The following ITPRID1 variants were observed in gnomAD, a reference collection of about 807,000 sequenced individuals.
ITPRID1 encodes ITPR interacting domain containing 1.
ITPRID1 carries 96 observed loss-of-function variants against 95.4 expected under a neutral mutation model. The observed-to-expected ratio is 1.01, with a 90% confidence interval of 0.85 to 1.19. The LOEUF is 1.19. Ranked by LOEUF, ITPRID1 falls within the 50% of genes most tolerant of loss-of-function variation. ITPRID1 has a pLI of 0.00. For synonymous variants in ITPRID1, 510 were observed against 453.6 expected (o/e 1.12, Z -1.58); for missense variants, 1,339 against 1,252.9 (o/e 1.07, Z -1.04).
intron 10 of ITPRID1, among the ~76,000 whole-genome samples, chr7:31,598,610 A>G (rs1012868284): frequency 5.0e-4 from 76 of 151,932 alleles, no homozygotes; most frequent in Middle Eastern, 3.4e-3. Context: ...TCACCGTGTT[A>G]GCCAGGATGG....
At chr7:31,587,310 T>G (rs552387565) in intron 10 of ITPRID1, among the ~76,000 whole-genome samples, 4,828 of 152,166 alleles carry the variant, frequency 0.032, 146 homozygotes, top group Non-Finnish European at 0.047. Flanking sequence ...ACAAAATCAG[T>G]GTACAAAAAT....
intron 10 of ITPRID1, among the ~76,000 whole-genome samples, chr7:31,601,606 C>A (rs564561520): frequency 1.3e-4 from 20 of 152,210 alleles, no homozygotes; most frequent in Non-Finnish European, 2.8e-4. Context: ...TCTGTAGTAA[C>A]ATCCTACACA....
intron 10 of ITPRID1, among the ~76,000 whole-genome samples, chr7:31,615,947 G>T (rs1373521130): frequency 6.6e-6 from 1 of 151,886 alleles, no homozygotes; most frequent in Non-Finnish European, 1.5e-5. Context: ...GGTAGAGACG[G>T]GGTTTCACTG....
In ITPRID1 at chr7:31,654,762, A is replaced by G. The variant is rs11763622; in HGVS notation, c.*1933A>G. Among the ~76,000 whole-genome samples, 108,425 of 151,960 alleles carry G rather than the reference A, an allele frequency of 0.71. 39,216 individuals are homozygous for G. Among genetic ancestry groups the G allele is most frequent in the East Asian group, 0.82 (4,234 of 5,138 alleles). ...CTTGGAAAAGTAATGCCATGAGGGA[A>G]GTTTATAATTTGTATGAAAAGATGG... On this transcript the variant is annotated 3_prime_UTR_variant, in exon 15 of 15. Coordinates refer to ENST00000615280, the MANE Select transcript of ITPRID1 (RefSeq NM_001257967.3).
At chr7:31,575,632 C>T (rs1333174445) in intron 8 of ITPRID1, among the ~76,000 whole-genome samples, 1 of 152,118 alleles carries the variant, frequency 6.6e-6, no homozygotes, top group Non-Finnish European at 1.5e-5. Context: ...CAAAAGGCCT[C>T]TTGGAGAAGC....
Position 31,597,829 on chromosome 7 carries a change from A to G in ITPRID1, c.1228+14638A>G, listed in dbSNP as rs565364013. Among the ~76,000 whole-genome samples, 8 of 152,276 alleles carry G rather than the reference A, an allele frequency of 5.3e-5. No individual in the cohort carries two copies. In the East Asian group the frequency reaches 1.5e-3, roughly 29 times the overall value. On this transcript the variant is annotated intron_variant, in intron 10 of 14. Transcript: ENST00000615280. ...TAAAGGGCCAAGGAAAGCTAAGACT[A>G]TTATAAAGATCATGGAGAAGGAATT...
Position 31,578,337 on chromosome 7 carries a change from A to G in ITPRID1, c.1073A>G (p.Lys358Arg), listed in dbSNP as rs375575625. The G allele has an allele frequency of 3.1e-6, 5 of 1,613,808 alleles. No homozygotes were observed. Among genetic ancestry groups the G allele is most frequent in the Non-Finnish European group, 4.2e-6 (5 of 1,179,848 alleles). Residue 358 changes from lysine (K) to arginine (R), a missense_variant, in exon 9 of 15, where the codon AAG (lysine) becomes AGG (arginine). Coordinates refer to ENST00000615280, the MANE Select transcript of ITPRID1 (RefSeq NM_001257967.3). ...TCCTGTGTGTCTGAGGGGTCAGTCAAGGGCAGAACTCAGAAGGAGAACTTA... is the reference window on the plus strand; with the variant it reads ...TCCTGTGTGTCTGAGGGGTCAGTCAGGGGCAGAACTCAGAAGGAGAACTTA... ...PPSCVSEGSV[K>R]GRTQKENLFQ...
chr7:31,576,722 G>A (rs1785196990), intron 8 of ITPRID1, among the ~76,000 whole-genome samples: 1 of 152,126 alleles, frequency 6.6e-6, no homozygotes, highest in South Asian at 2.1e-4. Flanking sequence ...TGGCTCATGA[G>A]AGTCAGGGAC....
intron 10 of ITPRID1, among the ~76,000 whole-genome samples, chr7:31,619,797 C>G (rs879710787): frequency 4.6e-5 from 7 of 152,114 alleles, no homozygotes; most frequent in African/African-American, 1.4e-4. Context: ...GCTGAAGCAG[C>G]GCGAGGCATT....
At chr7:31,608,517 GTCT>G (rs781435293) in intron 10 of ITPRID1, among the ~76,000 whole-genome samples, 21 of 151,642 alleles carry the variant, frequency 1.4e-4, no homozygotes, top group Non-Finnish European at 2.5e-4. Flanking sequence ...CATTTATTTG[GTCT>G]TCTTTAATTT....
In ITPRID1 at chr7:31,655,809, A is replaced by G. The variant is rs1023919857; in HGVS notation, c.*2980A>G. ...TTGGGCTTTTGACCTCCCCTTCTCC[A>G]TGTAGACTCCGAGCTCTCCTGCAGT... On this transcript the variant is annotated 3_prime_UTR_variant, in exon 15 of 15. Transcript: ENST00000615280. 5.1e-6 allele frequency: 5 copies of G among 985,466 alleles called. No homozygotes were observed. Among genetic ancestry groups the G allele is most frequent in the Non-Finnish European group, 6.0e-6 (5 of 829,976 alleles). The allele number at this position is 985,466 out of a possible 1,614,324, so 61.0% of individuals were successfully genotyped here.
At chr7:31,572,543 G>A (rs186041064) in intron 7 of ITPRID1, among the ~76,000 whole-genome samples, 2 of 152,206 alleles carry the variant, frequency 1.3e-5, no homozygotes, top group East Asian at 3.9e-4. Flanking sequence ...TATAGAGTAT[G>A]TTACTATACA....
intron 1 of ITPRID1, among the ~76,000 whole-genome samples, chr7:31,536,596 A>G (rs980523118): frequency 4.6e-5 from 7 of 152,184 alleles, no homozygotes; most frequent in Admixed American, 1.3e-4. Context: ...TGAAGTAAAT[A>G]TTTTTATGAT....
intron 12 of ITPRID1, among the ~76,000 whole-genome samples, chr7:31,646,200 G>T (rs145695804): frequency 0.014 from 2,201 of 152,244 alleles, 67 homozygotes; most frequent in African/African-American, 0.05. Flanking sequence ...AGGAGAAATG[G>T]TTTTTCTAGA....
chr7:31,556,310 A>C (rs1263304940), intron 5 of ITPRID1, among the ~76,000 whole-genome samples: 2 of 152,150 alleles, frequency 1.3e-5, no homozygotes, highest in African/African-American at 2.4e-5. Flanking sequence ...AAAATGGAAT[A>C]GCTTCTTACA....
At chr7:31,554,960 C>T (rs1215151517) in intron 5 of ITPRID1, 59 bp downstream of exon 5, 1 of 1,209,752 alleles carries the variant, frequency 8.3e-7, no homozygotes, top group Non-Finnish European at 1.2e-6. Context: ...ATTCAAATAT[C>T]TACGTGAATA....
chr7:31,519,620 C>CTCTCTCCATATA, intron 1 of ITPRID1, among the ~76,000 whole-genome samples: 15 of 25,268 alleles, frequency 5.9e-4, no homozygotes, highest in Non-Finnish European at 6.6e-4. Context: ...CTCTCTCTCT[C>CTCTCTCCATATA]TATATATATA....
intron 1 of ITPRID1, among the ~76,000 whole-genome samples, chr7:31,515,393 T>C (rs1308588886): frequency 1.3e-5 from 2 of 151,750 alleles, no homozygotes; most frequent in Non-Finnish European, 2.9e-5. Flanking sequence ...CTGACCAACA[T>C]GGAGAAACCC....
chr7:31,583,333 G>A, intron 10 of ITPRID1, 142 bp downstream of exon 10: 1 of 575,726 alleles, frequency 1.7e-6, no homozygotes, highest in Non-Finnish European at 3.0e-6. Flanking sequence ...GATATTAAAA[G>A]CCTACTGGCA....
Sources: allele counts gnomAD v4.1 joint callset (sites outside exome capture counted in the v4.1 genomes callset), GRCh38; gene constraint gnomAD v4.1.1; transcripts MANE v1.5; gene names NCBI Gene and HGNC (gene_info 2026-07-23, HGNC 2026-07-21).